The following SLC16A2 variants were observed in gnomAD, a reference collection of about 807,000 sequenced individuals.
SLC16A2 encodes solute carrier family 16 member 2.
SLC16A2 carries 3 observed loss-of-function variants against 27.2 expected under a neutral mutation model. That is an observed-to-expected ratio of 0.11 (90% CI 0.05 to 0.28). The LOEUF is 0.28. SLC16A2 is among the 10% of genes least tolerant of loss of function. SLC16A2 has a pLI of 1.00. For synonymous variants in SLC16A2, 202 were observed against 187.8 expected (o/e 1.08, Z -0.62); for missense variants, 295 against 458.5 (o/e 0.64, Z 3.26).
At chrX:74,493,932 C>G (rs747883832) in intron 1 of SLC16A2, among the ~76,000 whole-genome samples, 36 of 111,779 alleles carry the variant, frequency 3.2e-4, no homozygotes, top group South Asian at 7.6e-4. Flanking sequence ...ACAAGCCTTC[C>G]AGCTGTGAGC....
In SLC16A2 at chrX:74,434,821, T is replaced by G. The variant is rs187281926; in HGVS notation, c.430+12754T>G. Among the ~76,000 whole-genome samples the G allele has an allele frequency of 1.7e-4, 18 of 104,849 alleles. No homozygotes were observed. In the East Asian group the frequency reaches 1.8e-3, roughly 10 times the overall value. The allele number at this position is 104,849 out of a possible 115,157, so 91.0% of individuals were successfully genotyped here. ...TGTAGTTTACATCTTAGTTTGTTTT[T>G]TTTTTTTTTTTTGAGATGGAGTCTT... On this transcript the variant is annotated intron_variant, in intron 1 of 5. Coordinates refer to ENST00000587091, the MANE Select transcript of SLC16A2 (RefSeq NM_006517.5).
intron 1 of SLC16A2, among the ~76,000 whole-genome samples, chrX:74,501,839 G>A (rs1443817911): frequency 2.7e-5 from 3 of 111,629 alleles, no homozygotes; most frequent in Non-Finnish European, 5.6e-5. Context: ...ATAGGCTTAA[G>A]CATTAGGAGA....
chrX:74,433,943 G>T (rs778338211), intron 1 of SLC16A2, among the ~76,000 whole-genome samples: 1 of 112,024 alleles, frequency 8.9e-6, no homozygotes, highest in South Asian at 3.7e-4. Context: ...TGTTATTGCT[G>T]GTGTGGAGAT....
At chrX:74,449,126 G>A (rs1398876641) in intron 1 of SLC16A2, among the ~76,000 whole-genome samples, 2 of 111,588 alleles carry the variant, frequency 1.8e-5, no homozygotes, top group East Asian at 5.7e-4. Context: ...GCGTTAAGAT[G>A]AGCTCGTGCC....
At chrX:74,517,541 A>G (rs192577164) in intron 1 of SLC16A2, among the ~76,000 whole-genome samples, 52 of 111,811 alleles carry the variant, frequency 4.7e-4, no homozygotes, top group African/African-American at 1.5e-3. Flanking sequence ...TATATCATAA[A>G]TGAGATCTTG....
chrX:74,449,457 C>G (rs1232744571), intron 1 of SLC16A2, among the ~76,000 whole-genome samples: 1 of 112,281 alleles, frequency 8.9e-6, no homozygotes, highest in Non-Finnish European at 1.9e-5. Flanking sequence ...AAGATATAAC[C>G]TCCAAAGTAA....
chrX:74,458,029 C>G (rs1249726041), intron 1 of SLC16A2, among the ~76,000 whole-genome samples: 1 of 111,653 alleles, frequency 9.0e-6, no homozygotes, highest in African/African-American at 3.3e-5. Context: ...TGAAATATTC[C>G]ACAAAACTAA....
chrX:74,511,490 T>G (rs914988136), intron 1 of SLC16A2, among the ~76,000 whole-genome samples: 1 of 112,461 alleles, frequency 8.9e-6, no homozygotes. Context: ...CGCGATTTGT[T>G]TAGATATGGA....
intron 1 of SLC16A2, among the ~76,000 whole-genome samples, chrX:74,499,994 G>A (rs1930001453): frequency 9.0e-6 from 1 of 111,494 alleles, no homozygotes; most frequent in Non-Finnish European, 1.9e-5. Flanking sequence ...TGAGGGGAAA[G>A]CTATACATAT....
In SLC16A2 at chrX:74,531,905, A is replaced by C. The variant is rs769842121; in HGVS notation, c.*352A>C. 4.4e-5 allele frequency: 13 copies of C among 296,436 alleles called. No individual in the cohort carries two copies. Among genetic ancestry groups the C allele is most frequent in the Non-Finnish European group, 7.9e-5 (13 of 164,630 alleles). The allele number at this position is 296,436 out of a possible 1,213,427, so 24.4% of individuals were successfully genotyped here. A position where few individuals can be genotyped will look rare whatever the true frequency, so the allele number is the denominator to read the frequency against. ...AGTCACCCACTATAATCAACTGCCA[A>C]AGGTGCTACTGTGTCCCCAGGAGCC... On this transcript the variant is annotated 3_prime_UTR_variant, in exon 6 of 6. Transcript: ENST00000587091.
rs1029924823 is a variant in SLC16A2 at position 74,440,243 on chromosome X, C to T, written c.430+18176C>T. On this transcript the variant is annotated intron_variant, in intron 1 of 5. Coordinates refer to ENST00000587091, the MANE Select transcript of SLC16A2 (RefSeq NM_006517.5). The stretch of plus-strand genomic sequence containing the variant: ...TGAGGGTGAAAGAGAACTCTATTAA[C>T]ATTTTTGTTGGAACCACAGGCATAA... 1.5e-4 allele frequency among the ~76,000 whole-genome samples: 17 copies of T among 111,598 alleles called. No homozygotes were observed. The Admixed American group carries it at 1.6e-3, about 11-fold the overall frequency.
intron 1 of SLC16A2, among the ~76,000 whole-genome samples, chrX:74,437,735 A>G (rs1314442888): frequency 8.9e-6 from 1 of 111,950 alleles, no homozygotes; most frequent in Admixed American, 9.5e-5. Flanking sequence ...GTCAGACCAG[A>G]TGTTGAGAAA....
At chrX:74,488,296 T>G (rs965459246) in intron 1 of SLC16A2, among the ~76,000 whole-genome samples, 2 of 111,415 alleles carry the variant, frequency 1.8e-5, no homozygotes, top group African/African-American at 6.5e-5. Context: ...TTTTAAAAAA[T>G]TATCTCCCTT....
At position 74,515,647 on chromosome X, in the gene SLC16A2, GCACA is replaced by G. The variant is rs751936813; in HGVS notation, c.431-5324_431-5321del. Among the ~76,000 whole-genome samples the G allele has an allele frequency of 2.2e-3, 237 of 107,168 alleles. 1 individual carries two copies. The highest frequency in any genetic ancestry group is 0.01 in the South Asian group (26 of 2,533). The allele number at this position is 107,168 out of a possible 115,157, so 93.1% of individuals were successfully genotyped here. On this transcript the variant is annotated intron_variant, in intron 1 of 5. Transcript: ENST00000587091. ...TAAACACACAGACATGCACGTGCAT[GCACA>G]CACACACACACACACACATCTTGAA...
At chrX:74,472,281 C>T (rs1197070771) in intron 1 of SLC16A2, among the ~76,000 whole-genome samples, 2 of 111,323 alleles carry the variant, frequency 1.8e-5, no homozygotes, top group Non-Finnish European at 3.8e-5. Context: ...AAAACTATTG[C>T]CTATTCTATT....
At chrX:74,493,933 A>G (rs769583318) in intron 1 of SLC16A2, among the ~76,000 whole-genome samples, 36 of 111,496 alleles carry the variant, frequency 3.2e-4, no homozygotes, top group South Asian at 7.6e-4. Context: ...CAAGCCTTCC[A>G]GCTGTGAGCT....
At chrX:74,477,671 G>C (rs1339754839) in intron 1 of SLC16A2, among the ~76,000 whole-genome samples, 3 of 111,776 alleles carry the variant, frequency 2.7e-5, no homozygotes, top group Non-Finnish European at 1.9e-5. Flanking sequence ...AGAGATTCTG[G>C]TATGTTGTAT....
At chrX:74,444,652 T>C (rs1446133975) in intron 1 of SLC16A2, among the ~76,000 whole-genome samples, 3 of 112,221 alleles carry the variant, frequency 2.7e-5, no homozygotes, top group Non-Finnish European at 3.8e-5. Context: ...GAAAAATATA[T>C]GGAAAAAACA....
At chrX:74,510,840 C>T (rs943087790) in intron 1 of SLC16A2, among the ~76,000 whole-genome samples, 3 of 108,639 alleles carry the variant, frequency 2.8e-5, no homozygotes, top group African/African-American at 1.0e-4. Flanking sequence ...CGGCTTGACA[C>T]CAGGAGTTTG....
Sources: gnomAD v4.1 joint callset for allele counts (sites outside exome capture counted in the v4.1 genomes callset) on GRCh38, gnomAD v4.1.1 for gene constraint, MANE v1.5 for transcripts, NCBI Gene and HGNC (gene_info 2026-07-23, HGNC 2026-07-21) for gene names.